Variants in CNTNAP5 observed in about 807,000 individuals in gnomAD.
CNTNAP5 encodes contactin associated protein family member 5.
CNTNAP5 carries 72 observed loss-of-function variants against 150.2 expected under a neutral mutation model. The ratio of observed to expected loss-of-function variants is 0.48; its 90% confidence interval spans 0.40 to 0.58. The LOEUF is 0.58. Among genes scored for constraint, CNTNAP5 ranks in the 20% least tolerant of loss-of-function variants. The pLI, the probability that CNTNAP5 is intolerant of heterozygous loss-of-function variation, is 0.00. For missense variants in CNTNAP5, 1,636 were observed against 1,626.2 expected, an observed-to-expected ratio of 1.01 and a Z score of -0.10; for synonymous variants, 672 against 619.8, an observed-to-expected ratio of 1.08 and a Z score of -1.25.
intron 1 of CNTNAP5, among the ~76,000 whole-genome samples, chr2:124,183,269 T>TA (rs1206643139): frequency 6.6e-6 from 1 of 152,172 alleles, no homozygotes; most frequent in Non-Finnish European, 1.5e-5. Context: ...TGAGGTTGCT[T>TA]AAAAAATTCT....
chr2:124,289,684 A>C (rs1300204823), intron 3 of CNTNAP5, among the ~76,000 whole-genome samples: 1 of 152,168 alleles, frequency 6.6e-6, no homozygotes, highest in African/African-American at 2.4e-5. Flanking sequence ...TGTGAAATAG[A>C]TATATTGCCA....
chr2:124,402,272 A>G (rs1353836511), intron 3 of CNTNAP5, among the ~76,000 whole-genome samples: 2 of 152,210 alleles, frequency 1.3e-5, no homozygotes, highest in Non-Finnish European at 2.9e-5. Flanking sequence ...TGTGTCACAG[A>G]AGATGTGCCA....
Position 124,290,674 on chromosome 2 carries a change from T to C in CNTNAP5, c.381+48281T>C, listed in dbSNP as rs924493438. ...CTACTATAGTTTGTTTTCGTGTAAA[T>C]TGGGAACTGTTCCATCTGCAATTCA... On this transcript the variant is annotated intron_variant, in intron 3 of 23. Transcript: ENST00000682447. Among the ~76,000 whole-genome samples, 7 of 152,258 alleles carry C rather than the reference T, an allele frequency of 4.6e-5. No individual in the cohort carries two copies. The South Asian group carries it at 1.0e-3, about 23-fold the overall frequency.
chr2:124,509,828 TG>T (rs35013133), intron 8 of CNTNAP5, among the ~76,000 whole-genome samples: 37,738 of 152,064 alleles, frequency 0.25, 5,042 homozygotes, highest in South Asian at 0.45. Context: ...AACAGTTTCA[TG>T]GTGGTCTTAT....
At chr2:124,295,382 C>T (rs1425809206) in intron 3 of CNTNAP5, among the ~76,000 whole-genome samples, 3 of 152,048 alleles carry the variant, frequency 2.0e-5, no homozygotes, top group Non-Finnish European at 4.4e-5. Context: ...CTTGTATGCT[C>T]GAATATATAG....
intron 11 of CNTNAP5, among the ~76,000 whole-genome samples, chr2:124,571,422 C>T (rs549892358): frequency 1.2e-4 from 18 of 151,124 alleles, no homozygotes; most frequent in South Asian, 2.1e-4. Flanking sequence ...TAAAGTACTA[C>T]GGAAAGTGTA....
At chr2:124,233,821 T>G (rs569809610) in intron 2 of CNTNAP5, among the ~76,000 whole-genome samples, 42 of 151,404 alleles carry the variant, frequency 2.8e-4, no homozygotes, top group African/African-American at 8.9e-4. Flanking sequence ...ATCCATGGTA[T>G]GGTAGACACT....
At chr2:124,329,840 T>C (rs1444036221) in intron 3 of CNTNAP5, among the ~76,000 whole-genome samples, 1 of 152,092 alleles carries the variant, frequency 6.6e-6, no homozygotes, top group Non-Finnish European at 1.5e-5. Flanking sequence ...GGAAAAACAA[T>C]GGTTAATGTT....
intron 1 of CNTNAP5, among the ~76,000 whole-genome samples, chr2:124,171,142 C>T (rs1358294557): frequency 1.3e-5 from 2 of 152,184 alleles, no homozygotes; most frequent in African/African-American, 4.8e-5. Flanking sequence ...GATAGAGTTA[C>T]AGCAGCGATA....
intron 13 of CNTNAP5, among the ~76,000 whole-genome samples, chr2:124,693,423 C>T (rs987246444): frequency 1.3e-5 from 2 of 151,966 alleles, no homozygotes; most frequent in Admixed American, 6.6e-5. Flanking sequence ...TCTGAAATAA[C>T]AAAGATGAAT....
At position 124,673,764 on chromosome 2, in the gene CNTNAP5, T is replaced by TA. The variant is rs34165774; in HGVS notation, c.2077+25819dup. Among the ~76,000 whole-genome samples, 298 of 143,136 alleles carry TA rather than the reference T, an allele frequency of 2.1e-3. 1 individual carries two copies. The highest frequency in any genetic ancestry group is 3.7e-3 in the African/African-American group (144 of 39,296). 93.9% of individuals were successfully genotyped at this position (143,136 alleles called of 152,430 possible). On this transcript the variant is annotated intron_variant, in intron 13 of 23. Coordinates refer to ENST00000682447, the MANE Select transcript of CNTNAP5 (RefSeq NM_001367498.1). ...TAATTTCTGCAGAGTCCTACAGCAT[T>TA]AAAAAAAAAAAAAGAGATCCTCTAG...
chr2:124,741,183 C>T (rs1008017173), intron 13 of CNTNAP5, among the ~76,000 whole-genome samples: 3 of 152,182 alleles, frequency 2.0e-5, no homozygotes, highest in African/African-American at 7.2e-5. Flanking sequence ...TACATCTAAA[C>T]TTAGAAAAAT....
rs185330712 is a variant in CNTNAP5 at position 124,167,964 on chromosome 2, C to T, written c.83-53741C>T. ...AAGAAAGAGAGCCAGGAAGGAGGCA[C>T]GTTTTTATTCCAATGCTTTTCAGAT... On this transcript the variant is annotated intron_variant, in intron 1 of 23. Coordinates refer to ENST00000682447, the MANE Select transcript of CNTNAP5 (RefSeq NM_001367498.1). Among the ~76,000 whole-genome samples the T allele has an allele frequency of 6.6e-5, 10 of 152,176 alleles. No individual in the cohort carries two copies. In the South Asian group the frequency reaches 1.0e-3, roughly 16 times the overall value.
chr2:124,908,181 A>C (rs1355890509), intron 22 of CNTNAP5, among the ~76,000 whole-genome samples: 1 of 151,690 alleles, frequency 6.6e-6, no homozygotes, highest in Non-Finnish European at 1.5e-5. Flanking sequence ...GACCAGCCTG[A>C]CCAACATGGT....
intron 7 of CNTNAP5, among the ~76,000 whole-genome samples, chr2:124,499,385 T>C (rs1398988032): frequency 6.6e-6 from 1 of 152,098 alleles, no homozygotes; most frequent in East Asian, 1.9e-4. Flanking sequence ...CACTGTGGGA[T>C]GGATGTCAGG....
chr2:124,227,581 T>A (rs1390641269), intron 2 of CNTNAP5, among the ~76,000 whole-genome samples: 1 of 151,666 alleles, frequency 6.6e-6, no homozygotes, highest in Non-Finnish European at 1.5e-5. Flanking sequence ...AAAACATAGC[T>A]CTCATGCAAA....
At chr2:124,567,199 C>T (rs1696044237) in intron 11 of CNTNAP5, among the ~76,000 whole-genome samples, 1 of 151,970 alleles carries the variant, frequency 6.6e-6, no homozygotes, top group Non-Finnish European at 1.5e-5. Context: ...TAAGAGAGGT[C>T]CTGGGTGAGG....
chr2:124,347,146 G>C (rs1484224739), intron 3 of CNTNAP5, among the ~76,000 whole-genome samples: 1 of 152,014 alleles, frequency 6.6e-6, no homozygotes, highest in Non-Finnish European at 1.5e-5. Flanking sequence ...TGTTTTCTGA[G>C]CCACTATGTT....
At chr2:124,456,259 A>T (rs1305030604) in intron 6 of CNTNAP5, among the ~76,000 whole-genome samples, 1 of 152,198 alleles carries the variant, frequency 6.6e-6, no homozygotes, top group Non-Finnish European at 1.5e-5. Flanking sequence ...GTACACCAAC[A>T]GCGACAACGC....
Sources: allele counts gnomAD v4.1 joint callset (sites outside exome capture counted in the v4.1 genomes callset), GRCh38; gene constraint gnomAD v4.1.1; transcripts MANE v1.5; gene names NCBI Gene and HGNC (gene_info 2026-07-23, HGNC 2026-07-21).